Variants in IGFN1 observed in about 807,000 individuals in gnomAD.
IGFN1 encodes immunoglobulin-like and fibronectin type III domain-containing protein 1.
IGFN1 carries 253 observed loss-of-function variants against 289.5 expected under a neutral mutation model. The ratio of observed to expected loss-of-function variants is 0.87; its 90% CI spans 0.79 to 0.97. The LOEUF (loss-of-function observed/expected upper bound fraction) is 0.97, where lower values mean the gene tolerates loss of function less well. IGFN1 is among the 50% of genes least tolerant of loss of function. The pLI, the probability that IGFN1 is intolerant of heterozygous loss-of-function variation, is 0.00. For synonymous variants in IGFN1, 1,706 were observed against 1,788.5 expected, an observed-to-expected ratio of 0.95 and a Z score of 1.16; for missense variants, 4,470 against 4,686.1, an observed-to-expected ratio of 0.95 and a Z score of 1.35.
chr1:201,204,931 C>A, intron 10 of IGFN1, 151 bp from the exon 11 acceptor site: 2 of 648,420 alleles, frequency 3.1e-6, no homozygotes, highest in Non-Finnish European at 5.1e-6. Context: ...GAATTGACAC[C>A]TGAGGTCCAG....
At position 201,228,495 on chromosome 1, in the gene IGFN1, C is replaced by T; in HGVS notation, c.*96C>T. 1 of 1,318,452 alleles carries T rather than the reference C, an allele frequency of 7.6e-7. No homozygotes were observed. The highest frequency in any genetic ancestry group is 1.8e-4 in the Middle Eastern group (1 of 5,468). 81.7% of individuals were successfully genotyped at this position (1,318,452 alleles called of 1,614,324 possible). A position where few individuals can be genotyped will look rare whatever the true frequency, so the allele number is the denominator to read the frequency against. ...CCAATCCCAAGGATGGAGGCTGTGC[C>T]CAGAGCCCCAGGAAAATGGGAGTGA... On this transcript the variant is annotated 3_prime_UTR_variant, in exon 24 of 24. Transcript: ENST00000335211.
chr1:201,201,638 T>C (rs1271246488), intron 8 of IGFN1, 81 bp from the exon 9 acceptor site: 8 of 741,490 alleles, frequency 1.1e-5, no homozygotes, highest in Non-Finnish European at 1.7e-5. Flanking sequence ...CCTGGGATGG[T>C]ACCAGAGCCT....
Position 201,211,917 on chromosome 1 carries a change from G to C in IGFN1, c.7024G>C (p.Gly2342Arg), listed in dbSNP as rs73087062. 13,586 of 1,526,494 alleles carry C rather than the reference G, an allele frequency of 8.9e-3. 849 individuals carry two copies. In the African/African-American group the frequency reaches 0.15, roughly 17 times the overall value. The allele number at this position is 1,526,494 out of a possible 1,614,324, so 94.6% of individuals were successfully genotyped here. The change falls in exon 12 of 24, where the codon GGA (glycine) becomes CGA (arginine). Residue 2342 changes from glycine to arginine, a missense_variant. By Grantham distance (125) the Gly-to-Arg change is moderately radical. Around this residue, in one of 8 missense-constraint regions of IGFN1, gnomAD observed 2,218 missense variants for 2,114.1 expected, o/e 1.05. Transcript: ENST00000335211. Reference sequence around the variant, plus strand: ...GTCAGGGAGTGAGGTCAGTTATAGAGGAGGCTCAGGAGGATCTGGGGAAAC... The same window carrying C: ...GTCAGGGAGTGAGGTCAGTTATAGACGAGGCTCAGGAGGATCTGGGGAAAC... The part of the protein sequence containing the change: ...MGSGSEVSYR[G>R]GSGGSGETGP...
chr1:201,199,294 G>T, intron 5 of IGFN1, 40 bp from the exon 6 acceptor site: 1 of 1,537,784 alleles, frequency 6.5e-7, no homozygotes, highest in Non-Finnish European at 8.8e-7. Context: ...CTCCCTGCTT[G>T]TCCACATCGA....
intron 18 of IGFN1, among the ~76,000 whole-genome samples, chr1:201,220,342 C>T (rs1191463751): frequency 2.0e-5 from 3 of 152,138 alleles, no homozygotes; most frequent in Non-Finnish European, 4.4e-5. Context: ...GCCACCACAC[C>T]CTGCTAATTT....
At chr1:201,200,184 A>T (rs1341752871) in intron 7 of IGFN1, 53 bp from the exon 8 acceptor site, 1 of 1,477,376 alleles carries the variant, frequency 6.8e-7, no homozygotes, top group Non-Finnish European at 9.2e-7. Flanking sequence ...CCAGGTGGCC[A>T]ACAGAGGAGC....
chr1:201,199,371 G>A lies in IGFN1; in HGVS notation c.405G>A (p.Pro135=), dbSNP rs1534057. 230,225 of 1,551,222 alleles carry A rather than the reference G, an allele frequency of 0.15. 19,049 individuals carry two copies. The highest frequency in any genetic ancestry group is 0.26 in the East Asian group (10,695 of 40,890). The stretch of plus-strand genomic sequence containing the variant: ...AGAATCGGAAGAGGCACAGGGAACC[G>A]CAGGAAGGTAGGCAGATTTGTCAGA... ...FRKNRKRHRE[P]QEDLRKELMD... The change falls in exon 6 of 24, where the codon CCG becomes CCA. Residue 135 remains proline (P), a synonymous_variant. Transcript: ENST00000335211.
In IGFN1 at chr1:201,207,370, C is replaced by T. The variant is rs2102335297; in HGVS notation, c.2477C>T (p.Ala826Val). The T allele has an allele frequency of 6.5e-7, 1 of 1,536,866 alleles. No individual in the cohort carries two copies. The highest frequency in any genetic ancestry group is 8.7e-7 in the Non-Finnish European group (1 of 1,146,814). ...SQGWTAGHRA[A>V]GGIGRIESKG... ...GGCTGGACAGCAGGTCACAGAGCAG[C>T]AGGGGGTATTGGCAGAATAGAATCT... Residue 826 changes from alanine to valine, a missense_variant, in exon 12 of 24, where the codon GCA becomes GTA. Ala to Val is a moderately conservative substitution (Grantham distance 64, BLOSUM62 0). Around this residue, in one of 8 missense-constraint regions of IGFN1, gnomAD observed 2,011 missense variants for 1,953.4 expected, o/e 1.03. Transcript: ENST00000335211.
Position 201,228,405 on chromosome 1 carries a change from C to T in IGFN1, c.*6C>T, listed in dbSNP as rs772349824. Reference sequence around the variant, plus strand: ...TTGCAGAACCCAGCACCTAGCCTCACCTCACCCTGGGATGGTCCTGGACCC... The same window carrying T: ...TTGCAGAACCCAGCACCTAGCCTCATCTCACCCTGGGATGGTCCTGGACCC... On this transcript the variant is annotated 3_prime_UTR_variant, in exon 24 of 24. Transcript: ENST00000335211. 4 of 1,614,058 alleles carry T rather than the reference C, an allele frequency of 2.5e-6. No homozygotes were observed. The highest frequency in any genetic ancestry group is 3.4e-6 in the Non-Finnish European group (4 of 1,179,940).
At position 201,208,557 on chromosome 1, in the gene IGFN1, G is replaced by C. The variant is rs1456968989; in HGVS notation, c.3664G>C (p.Gly1222Arg). ...LGYEDGSELP[G>R]PQGTGVRTAY... ...TTATGAGGATGGATCAGAACTTCCA[G>C]GGCCTCAGGGAACTGGGGTCAGAAC... Residue 1222 changes from glycine to arginine, a missense_variant, in exon 12 of 24, where the codon GGG (glycine) becomes CGG (arginine). By Grantham distance (125) the Gly-to-Arg change is moderately radical. This residue lies in a region of IGFN1 where 2,011 missense variants were observed against 1,953.4 expected (regional missense o/e 1.03). Transcript: ENST00000335211. The C allele has an allele frequency of 1.4e-6, 2 of 1,466,386 alleles. No homozygotes were observed. Among genetic ancestry groups the C allele is most frequent in the African/African-American group, 2.8e-5 (2 of 70,178 alleles). 90.8% of individuals were successfully genotyped at this position (1,466,386 alleles called of 1,614,324 possible).
At chr1:201,225,677 C>T (rs1001269079) in intron 21 of IGFN1, 147 bp from the exon 22 acceptor site, 8 of 626,250 alleles carry the variant, frequency 1.3e-5, no homozygotes, top group Admixed American at 3.3e-5. Context: ...AACTGTGGAC[C>T]GCTGGCCAAG....
In IGFN1 at chr1:201,213,740, C is replaced by A. The variant is rs1465173050; in HGVS notation, c.8728+119C>A. ...TCCAGCCCCAGGAGTTTGTCCCTGC[C>A]AGTGCTCCCCATTCTCAGGAATCTT... On this transcript the variant is annotated intron_variant, in intron 12 of 23. Coordinates refer to ENST00000335211, the MANE Select transcript of IGFN1 (RefSeq NM_001164586.2). 3.8e-6 allele frequency: 3 copies of A among 782,714 alleles called. No individual in the cohort carries two copies. In the South Asian group the frequency reaches 5.3e-5, roughly 14 times the overall value. The allele number at this position is 782,714 out of a possible 1,614,324, so 48.5% of individuals were successfully genotyped here.
In IGFN1 at chr1:201,197,723, C is replaced by T. The variant is rs551205941; in HGVS notation, c.367+406C>T. Among the ~76,000 whole-genome samples, 3 of 152,262 alleles carry T rather than the reference C, an allele frequency of 2.0e-5. No individual in the cohort carries two copies. The South Asian group carries it at 6.2e-4, about 32-fold the overall frequency. On this transcript the variant is annotated intron_variant, in intron 5 of 23. Coordinates refer to ENST00000335211, the MANE Select transcript of IGFN1 (RefSeq NM_001164586.2). ...ACAGGTCACACAAAGGCCAAATTCTCTCTCAGACATGTTTTTTTTGGTGTG... is the reference window on the plus strand; with the variant it reads ...ACAGGTCACACAAAGGCCAAATTCTTTCTCAGACATGTTTTTTTTGGTGTG...
chr1:201,211,074 G>A lies in IGFN1; in HGVS notation c.6181G>A (p.Glu2061Lys), dbSNP rs1275261348. ...GFRDGLGSSV[E>K]MGSVNEAGYR... is the part of the protein sequence containing the mutation. The stretch of plus-strand genomic sequence containing the variant: ...TAGGGATGGTTTAGGGAGTTCTGTA[G>A]AAATGGGGTCAGTGAATGAGGCAGG... Residue 2061 changes from glutamate to lysine, a missense_variant, in exon 12 of 24, where the codon GAA (glutamate) becomes AAA (lysine). Glu to Lys is a moderately conservative substitution (Grantham distance 56). Around this residue, in one of 8 missense-constraint regions of IGFN1, gnomAD observed 20 missense variants for 29.1 expected, o/e 0.69. Coordinates refer to ENST00000335211, the MANE Select transcript of IGFN1 (RefSeq NM_001164586.2). The A allele has an allele frequency of 3.3e-6, 5 of 1,504,146 alleles. No homozygotes were observed. Among genetic ancestry groups the A allele is most frequent in the Non-Finnish European group, 3.5e-6 (4 of 1,127,176 alleles). 93.2% of individuals were successfully genotyped at this position (1,504,146 alleles called of 1,614,324 possible).
At chr1:201,216,033 G>A in intron 15 of IGFN1, 195 bp downstream of exon 15, 1 of 733,068 alleles carries the variant, frequency 1.4e-6, no homozygotes, top group Non-Finnish European at 2.5e-6. Context: ...CACAGTGCTG[G>A]GCTCCTGCTG....
chr1:201,212,296 G>A lies in IGFN1; in HGVS notation c.7403G>A (p.Gly2468Glu). The change falls in exon 12 of 24, where the codon GGG becomes GAG. Residue 2468 changes from glycine (G) to glutamate (E), a missense_variant. Coordinates refer to ENST00000335211, the MANE Select transcript of IGFN1 (RefSeq NM_001164586.2). ...GAGCGAGGCTCCACCAAAGATCTTG[G>A]GGGCTATGGAACTTCAGGGATCCCT... ...SDERGSTKDL[G>E]GYGTSGIPEA... is the part of the protein sequence containing the mutation. 6.5e-7 allele frequency: 1 copy of A among 1,536,544 alleles called. No individual in the cohort carries two copies. The highest frequency in any genetic ancestry group is 8.7e-7 in the Non-Finnish European group (1 of 1,146,754).
In IGFN1 at chr1:201,211,774, G is replaced by A; in HGVS notation, c.6881G>A (p.Gly2294Glu). 1 of 1,536,846 alleles carries A rather than the reference G, an allele frequency of 6.5e-7. No homozygotes were observed. The highest frequency in any genetic ancestry group is 8.7e-7 in the Non-Finnish European group (1 of 1,146,786). Residue 2294 changes from glycine to glutamate, a missense_variant, in exon 12 of 24, where the codon GGG (glycine) becomes GAG (glutamate). This residue lies in a region of IGFN1 where 2,218 missense variants were observed against 2,114.1 expected (regional missense o/e 1.05). Coordinates refer to ENST00000335211, the MANE Select transcript of IGFN1 (RefSeq NM_001164586.2). Reference protein sequence around the residue: ...AGYKNVLGGSGRNPLGSEAGS... With the variant: ...AGYKNVLGGSERNPLGSEAGS... ...TATAAGAATGTTTTAGGGGGTTCTG[G>A]GAGGAATCCATTAGGGAGCGAGGCA...
intron 22 of IGFN1, 120 bp downstream of exon 22, chr1:201,226,243 C>G (rs1654090965): frequency 3.4e-6 from 4 of 1,172,996 alleles, no homozygotes; most frequent in Non-Finnish European, 4.6e-6. Context: ...TGGCCTGGAG[C>G]ATGCCAAATA....
chr1:201,201,388 A>G (rs928425353), intron 8 of IGFN1, among the ~76,000 whole-genome samples: 5 of 152,168 alleles, frequency 3.3e-5, no homozygotes, highest in Non-Finnish European at 7.4e-5. Flanking sequence ...AAGCTTTCTC[A>G]TTGGCTTTAA....
Sources: allele counts gnomAD v4.1 joint callset (sites outside exome capture counted in the v4.1 genomes callset), GRCh38; gene constraint gnomAD v4.1.1; regional missense constraint gnomAD v4.1.1; transcripts MANE v1.5; gene names NCBI Gene and HGNC (gene_info 2026-07-23, HGNC 2026-07-21).